CACNA1D: variants seen among roughly 807,000 people sequenced by gnomAD.
CACNA1D encodes the protein voltage-dependent L-type calcium channel subunit alpha-1D.
CACNA1D carries 55 observed loss-of-function variants against 257.1 expected under a neutral mutation model. That is an observed-to-expected ratio of 0.21 (90% CI 0.17 to 0.27). The LOEUF is 0.27. Ranked by LOEUF, CACNA1D falls within the 10% of genes least tolerant of loss-of-function variation. The probability of loss-of-function intolerance (pLI) is 1.00; values close to 1 mark genes in which losing one functional copy is unlikely to be tolerated. For synonymous variants in CACNA1D, 980 were observed against 1,014.9 expected (o/e 0.97, Z 0.65); for missense variants, 1,876 against 2,784.0 (o/e 0.67, Z 7.34).
intron 3 of CACNA1D, among the ~76,000 whole-genome samples, chr3:53,514,776 G>A (rs1340054186): frequency 2.0e-5 from 3 of 152,164 alleles, no homozygotes; most frequent in Non-Finnish European, 4.4e-5. Context: ...TGGAGGATTG[G>A]ATAGTGATGG....
At position 53,793,110 on chromosome 3, in the gene CACNA1D, C is replaced by T. The variant is rs543579939; in HGVS notation, c.4923+6158C>T. Among the ~76,000 whole-genome samples, 1 of 152,178 alleles carries T rather than the reference C, an allele frequency of 6.6e-6. No homozygotes were observed. Among genetic ancestry groups the T allele is most frequent in the South Asian group, 2.1e-4 (1 of 4,830 alleles). ...CTGCACCTGGTATCAACCGCTGTTA[C>T]CCTAGCACCTGAGTCTCCTTCCCCA... On this transcript the variant is annotated intron_variant, in intron 40 of 47. Coordinates refer to ENST00000350061, the MANE Select transcript of CACNA1D (RefSeq NM_001128840.3). The surrounding 1 kb of genome is among the most constrained non-coding windows in gnomAD (Gnocchi z 4.1).
At chr3:53,754,606 C>T (rs2095250926) in intron 29 of CACNA1D, among the ~76,000 whole-genome samples, 1 of 152,338 alleles carries the variant, frequency 6.6e-6, no homozygotes, top group South Asian at 2.1e-4. Context: ...CCACCACCCT[C>T]ATCATCATCA....
At chr3:53,618,697 A>G (rs1339260175) in intron 3 of CACNA1D, among the ~76,000 whole-genome samples, 1 of 152,184 alleles carries the variant, frequency 6.6e-6, no homozygotes, top group Non-Finnish European at 1.5e-5. Context: ...TCCTTAAGGA[A>G]TCTCTGCTCG....
intron 3 of CACNA1D, among the ~76,000 whole-genome samples, chr3:53,643,849 A>G (rs2680654): frequency 0.63 from 95,888 of 152,056 alleles, 32,427 homozygotes; most frequent in African/African-American, 0.87. Flanking sequence ...GCCTTCGTGC[A>G]GGCTCCTCTT....
At chr3:53,580,674 G>A (rs149082620) in intron 3 of CACNA1D, among the ~76,000 whole-genome samples, 91 of 152,296 alleles carry the variant, frequency 6.0e-4, no homozygotes, top group African/African-American at 2.0e-3. Context: ...CTGTGAAGGC[G>A]GAGACCATGA....
intron 8 of CACNA1D, among the ~76,000 whole-genome samples, chr3:53,682,388 A>AAAAAAC (rs1553634137): frequency 1.9e-4 from 26 of 134,010 alleles, no homozygotes; most frequent in African/African-American, 6.9e-4. Flanking sequence ...AAAAAAAAAA[A>AAAAAAC]AAAAAAAACA....
chr3:53,664,794 A>G (rs2094243159), intron 5 of CACNA1D, among the ~76,000 whole-genome samples: 2 of 152,272 alleles, frequency 1.3e-5, no homozygotes, highest in South Asian at 4.1e-4. Flanking sequence ...GGGAATAAAG[A>G]CAAAGACAAA....
intron 3 of CACNA1D, among the ~76,000 whole-genome samples, chr3:53,555,628 A>G (rs2092630498): frequency 6.6e-6 from 1 of 151,586 alleles, no homozygotes; most frequent in African/African-American, 2.4e-5. Flanking sequence ...AATCATTCTC[A>G]ATCATGGTCC....
chr3:53,747,148 A>C (rs2095177502), intron 25 of CACNA1D, among the ~76,000 whole-genome samples, 154 bp from the exon 26 acceptor site: 1 of 152,154 alleles, frequency 6.6e-6, no homozygotes, highest in African/African-American at 2.4e-5. Context: ...CGAGGAGAGG[A>C]GAAACGGCGC....
chr3:53,712,505 G>A (rs532998865), intron 9 of CACNA1D, among the ~76,000 whole-genome samples: 8 of 152,324 alleles, frequency 5.3e-5, no homozygotes, highest in African/African-American at 1.4e-4. Context: ...GTTACTCTGT[G>A]GTGGCCTAAT....
chr3:53,677,068 A>G (rs1265866175), intron 8 of CACNA1D, among the ~76,000 whole-genome samples: 2 of 152,186 alleles, frequency 1.3e-5, no homozygotes, highest in Non-Finnish European at 2.9e-5. Flanking sequence ...CACTTTTCAA[A>G]TTGTTAATTG....
intron 9 of CACNA1D, among the ~76,000 whole-genome samples, chr3:53,704,488 G>A (rs2094664341): frequency 6.6e-6 from 1 of 152,314 alleles, no homozygotes; most frequent in Non-Finnish European, 1.5e-5. Flanking sequence ...ACATTCATGT[G>A]AGTCTCAGAC....
At chr3:53,599,678 A>G (rs949936026) in intron 3 of CACNA1D, among the ~76,000 whole-genome samples, 3 of 152,360 alleles carry the variant, frequency 2.0e-5, no homozygotes, top group Non-Finnish European at 2.9e-5. Flanking sequence ...ATGACACGAT[A>G]TAAGTAAAAC....
At chr3:53,679,928 G>A (rs1419734534) in intron 8 of CACNA1D, among the ~76,000 whole-genome samples, 2 of 152,132 alleles carry the variant, frequency 1.3e-5, no homozygotes, top group Non-Finnish European at 2.9e-5. Context: ...CTCTGATTTG[G>A]CTTTAAATGA....
chr3:53,626,447 G>A (rs1048721432), intron 3 of CACNA1D, among the ~76,000 whole-genome samples: 1 of 152,220 alleles, frequency 6.6e-6, no homozygotes, highest in African/African-American at 2.4e-5. Flanking sequence ...ACACAGGAGG[G>A]CAAGAGGGGA....
intron 8 of CACNA1D, among the ~76,000 whole-genome samples, chr3:53,678,092 G>A (rs2094393888): frequency 6.6e-6 from 1 of 152,148 alleles, no homozygotes; most frequent in African/African-American, 2.4e-5. Flanking sequence ...GGCCAAGATA[G>A]GTCTGTGTTA....
chr3:53,509,464 A>G (rs1242072211), intron 3 of CACNA1D, among the ~76,000 whole-genome samples: 1 of 152,348 alleles, frequency 6.6e-6, no homozygotes. Context: ...TTTCTTCTCC[A>G]GAACTTCAAA....
chr3:53,655,869 T>G (rs562479502), intron 4 of CACNA1D, among the ~76,000 whole-genome samples: 1 of 152,360 alleles, frequency 6.6e-6, no homozygotes, highest in Non-Finnish European at 1.5e-5. Context: ...ATGTCCAGAA[T>G]GGTATTGCCT....
At chr3:53,601,271 C>T (rs773843096) in intron 3 of CACNA1D, among the ~76,000 whole-genome samples, 3 of 152,172 alleles carry the variant, frequency 2.0e-5, no homozygotes, top group Non-Finnish European at 4.4e-5. Context: ...TGCTTCCTGT[C>T]ATATGTACTA....
Sources: gnomAD v4.1 joint callset for allele counts (sites outside exome capture counted in the v4.1 genomes callset) on GRCh38, gnomAD v4.1.1 for gene constraint, Gnocchi (gnomAD v3.1) non-coding constraint, MANE v1.5 for transcripts, NCBI Gene and HGNC (gene_info 2026-07-23, HGNC 2026-07-21) for gene names.